FAM118A: variants seen among roughly 807,000 people sequenced by gnomAD.
FAM118A encodes SIR2 antiphage like 2.
A neutral mutation model predicts 38.2 loss-of-function variants in FAM118A; 25 were observed. That is an observed-to-expected ratio of 0.65 (90% CI 0.48 to 0.91). FAM118A has a LOEUF of 0.91. Among genes scored for constraint, FAM118A ranks in the 40% least tolerant of loss-of-function variants. The pLI is 0.00. For synonymous variants in FAM118A, 178 were observed against 184.1 expected, an observed-to-expected ratio of 0.97 and a Z score of 0.27; for missense variants, 425 against 463.3, an observed-to-expected ratio of 0.92 and a Z score of 0.76.
intron 6 of FAM118A, 171 bp from the exon 7 acceptor site, chr22:45,335,179 G>A (rs1185956483): frequency 7.7e-6 from 5 of 651,672 alleles, no homozygotes; most frequent in South Asian, 1.9e-5. Flanking sequence ...ACCAAGCCTG[G>A]GAGGTAGAGG....
chr22:45,340,456 G>C lies in FAM118A; in HGVS notation c.*51G>C. The stretch of plus-strand genomic sequence containing the variant: ...TGAAAACTAGCCTTCTGTAACCACA[G>C]TGCCCAAACGAAGAGGAATGTATGG... On this transcript the variant is annotated 3_prime_UTR_variant, in exon 9 of 9. Transcript: ENST00000441876. The C allele has an allele frequency of 1.2e-6, 2 of 1,601,420 alleles. No individual in the cohort carries two copies. The highest frequency in any genetic ancestry group is 1.7e-6 in the Non-Finnish European group (2 of 1,168,312).
chr22:45,335,035 GGAC>G, intron 6 of FAM118A: 2 of 385,292 alleles, frequency 5.2e-6, no homozygotes, highest in South Asian at 6.3e-5. Context: ...GTGTCATGAA[GGAC>G]ATTTGTACTC....
chr22:45,323,021 C>T (rs893614130), intron 2 of FAM118A, among the ~76,000 whole-genome samples, 154 bp from the exon 3 acceptor site: 2 of 147,700 alleles, frequency 1.4e-5, no homozygotes, highest in African/African-American at 2.6e-5. Context: ...CAGGCCGTCT[C>T]CCCACAGCGT....
At position 45,341,790 on chromosome 22, in the gene FAM118A, C is replaced by T. The variant is rs1410625330; in HGVS notation, c.*1385C>T. Reference sequence around the variant, plus strand: ...ACATTTCTTGCCAAGCCCTGTGACACTCCCCATTGATGACTCCCATAGGTA... The same window carrying T: ...ACATTTCTTGCCAAGCCCTGTGACATTCCCCATTGATGACTCCCATAGGTA... On this transcript the variant is annotated 3_prime_UTR_variant, in exon 9 of 9. Transcript: ENST00000441876. 6.6e-6 allele frequency: 1 copy of T among 152,210 alleles called. No homozygotes were observed. Among genetic ancestry groups the T allele is most frequent in the East Asian group, 1.9e-4 (1 of 5,200 alleles). 9.4% of individuals were successfully genotyped at this position (152,210 alleles called of 1,614,324 possible).
chr22:45,334,697 C>T (rs2085962084), intron 6 of FAM118A, among the ~76,000 whole-genome samples: 1 of 152,278 alleles, frequency 6.6e-6, no homozygotes, highest in East Asian at 1.9e-4. Context: ...ATAACGTGCC[C>T]AGACATTTTG....
Position 45,330,737 on chromosome 22 carries a change from G to A in FAM118A, c.651+6G>A. The A allele has an allele frequency of 6.4e-7, 1 of 1,551,960 alleles. No individual in the cohort carries two copies. Among genetic ancestry groups the A allele is most frequent in the Non-Finnish European group, 8.7e-7 (1 of 1,152,598 alleles). On this transcript the variant is annotated splice_donor_region_variant and intron_variant, in intron 5 of 8. Transcript: ENST00000441876. ...CTCAAGACGCAGAAGTCATGGTACG[G>A]CCCGTCCTAATTAGCATCGGTGCGT...
rs548388550 is a variant in FAM118A at position 45,340,737 on chromosome 22, C to A, written c.*332C>A. On this transcript the variant is annotated 3_prime_UTR_variant, in exon 9 of 9. Transcript: ENST00000441876. ...TCTCTTTTGTCAAGGTGGTATTTTT[C>A]GTAATAAAAGGGGAAGAGTAAAGAC... The A allele has an allele frequency of 1.3e-4, 53 of 392,708 alleles. 1 individual carries two copies. In the South Asian group the frequency reaches 2.6e-3, roughly 19 times the overall value. The allele number at this position is 392,708 out of a possible 1,614,324, so 24.3% of individuals were successfully genotyped here.
At chr22:45,310,733 G>T (rs901245538) in intron 1 of FAM118A, among the ~76,000 whole-genome samples, 1 of 152,146 alleles carries the variant, frequency 6.6e-6, no homozygotes, top group African/African-American at 2.4e-5. Context: ...TGTGGTCCCC[G>T]CGCCTGCAGG....
intron 4 of FAM118A, chr22:45,328,527 G>GACTGC: frequency 1.3e-6 from 1 of 742,826 alleles, no homozygotes; most frequent in Non-Finnish European, 2.5e-6. Flanking sequence ...CGCTACTGGG[G>GACTGC]AGGCCGAGGT....
At chr22:45,330,559 C>A in intron 4 of FAM118A, 44 bp from the exon 5 acceptor site, 1 of 1,471,974 alleles carries the variant, frequency 6.8e-7, no homozygotes. Flanking sequence ...CTGTTTGAAA[C>A]AGTTTGAGGA....
At chr22:45,331,342 A>G (rs1320742861) in intron 5 of FAM118A, among the ~76,000 whole-genome samples, 1 of 139,318 alleles carries the variant, frequency 7.2e-6, no homozygotes, top group African/African-American at 2.7e-5. Context: ...TAAATAAATA[A>G]AAGTAAATAA....
chr22:45,337,020 C>CGAGA (rs1569158162), intron 8 of FAM118A, among the ~76,000 whole-genome samples: 1 of 152,206 alleles, frequency 6.6e-6, no homozygotes, highest in African/African-American at 2.4e-5. Flanking sequence ...AGGGCGATCT[C>CGAGA]GCTTGTTCGT....
At chr22:45,339,913 A>G (rs1199523224) in intron 8 of FAM118A, among the ~76,000 whole-genome samples, 1 of 152,212 alleles carries the variant, frequency 6.6e-6, no homozygotes, top group Non-Finnish European at 1.5e-5. Flanking sequence ...CTGCACCTGC[A>G]GCCCCGGCTC....
chr22:45,330,192 C>CT (rs2085604274), intron 4 of FAM118A, among the ~76,000 whole-genome samples: 1 of 152,218 alleles, frequency 6.6e-6, no homozygotes, highest in African/African-American at 2.4e-5. Context: ...ATGTAACTGT[C>CT]TGTCTTTAAA....
At chr22:45,316,590 G>C (rs1601883497) in intron 1 of FAM118A, among the ~76,000 whole-genome samples, 1 of 152,260 alleles carries the variant, frequency 6.6e-6, no homozygotes, top group East Asian at 1.9e-4. Context: ...GAATGCAGTG[G>C]ATAGATTCTG....
rs3041118 is a variant in FAM118A at position 45,323,041 on chromosome 22, CTGTGTGTGTGTGTG to C, written c.48-112_48-99del. On this transcript the variant is annotated intron_variant, in intron 2 of 8. Coordinates refer to ENST00000441876, the MANE Select transcript of FAM118A (RefSeq NM_017911.4). ...CGTCTCCCCACAGCGTCAGAGGGGA[CTGTGTGTGTGTGTG>C]TGTGTGTGTGTGTGTGTGTGTACAC... The C allele has an allele frequency of 2.1e-4, 141 of 659,784 alleles. No individual in the cohort carries two copies. In the African/African-American group the frequency reaches 2.2e-3, roughly 10 times the overall value. 40.9% of individuals were successfully genotyped at this position (659,784 alleles called of 1,614,324 possible).
At position 45,332,418 on chromosome 22, in the gene FAM118A, T is replaced by G. The variant is rs747131083; in HGVS notation, c.652-7T>G. 1 of 1,605,438 alleles carries G rather than the reference T, an allele frequency of 6.2e-7. No homozygotes were observed. The highest frequency in any genetic ancestry group is 1.3e-5 in the African/African-American group (1 of 74,452). On this transcript the variant is annotated splice_polypyrimidine_tract_variant and splice_region_variant and intron_variant, in intron 5 of 8. Coordinates refer to ENST00000441876, the MANE Select transcript of FAM118A (RefSeq NM_017911.4). ...GAGCACTCAATTTCTTCATTGGCCT[T>G]TTCTAGGAAGTCCTCCAGAACTTAT...
At chr22:45,336,455 C>A in intron 8 of FAM118A, 44 bp downstream of exon 8, 1 of 1,503,304 alleles carries the variant, frequency 6.7e-7, no homozygotes, top group Non-Finnish European at 9.3e-7. Context: ...TCGGGTCTCT[C>A]TTGTTGGCAG....
At chr22:45,328,856 T>C (rs2085503897) in intron 4 of FAM118A, 1 of 177,890 alleles carries the variant, frequency 5.6e-6, no homozygotes, top group South Asian at 1.1e-4. Flanking sequence ...GGCTCACGGT[T>C]CCACAGCTGT....
Sources: allele counts gnomAD v4.1 joint callset (sites outside exome capture counted in the v4.1 genomes callset), GRCh38; gene constraint gnomAD v4.1.1; transcripts MANE v1.5; gene names NCBI Gene and HGNC (gene_info 2026-07-23, HGNC 2026-07-21).